RAP1GDS1: variants seen among roughly 807,000 people sequenced by gnomAD.
The protein encoded by RAP1GDS1 is Rap1 GTPase-GDP dissociation stimulator 1, also known as RAP1, GTP-GDP dissociation stimulator 1.
A neutral mutation model predicts 71.1 loss-of-function variants in RAP1GDS1; 35 were observed. The ratio of observed to expected loss-of-function variants is 0.49; its 90% CI spans 0.38 to 0.65. The LOEUF is 0.65. Ranked by LOEUF, RAP1GDS1 falls within the 30% of genes least tolerant of loss-of-function variation. RAP1GDS1 has a pLI of 0.00. For synonymous variants in RAP1GDS1, 229 were observed against 243.1 expected, an observed-to-expected ratio of 0.94 and a Z score of 0.54; for missense variants, 663 against 706.1, an observed-to-expected ratio of 0.94 and a Z score of 0.69.
intron 4 of RAP1GDS1, among the ~76,000 whole-genome samples, chr4:98,370,175 A>T (rs927471617): frequency 5.9e-5 from 9 of 152,318 alleles, no homozygotes; most frequent in African/African-American, 2.2e-4. Flanking sequence ...TATGAAACAT[A>T]GTGAGCATTC....
chr4:98,296,344 T>A (rs1386206433), intron 2 of RAP1GDS1, among the ~76,000 whole-genome samples: 1 of 152,164 alleles, frequency 6.6e-6, no homozygotes. Flanking sequence ...ATGACTGTAA[T>A]CTGAAATTAG....
Position 98,301,133 on chromosome 4 carries a change from A to G in RAP1GDS1, c.112+7618A>G, listed in dbSNP as rs182085632. On this transcript the variant is annotated intron_variant, in intron 2 of 14. Coordinates refer to ENST00000408927, the MANE Select transcript of RAP1GDS1 (RefSeq NM_001100427.2). ...TTTTACCTTTTTATCTAGTGTTATC[A>G]AATGTTCCACAGAAGTGATGTATTT... Among the ~76,000 whole-genome samples the G allele has an allele frequency of 6.6e-5, 10 of 152,256 alleles. No homozygotes were observed. In the East Asian group the frequency reaches 1.2e-3, roughly 18 times the overall value.
chr4:98,308,297 CTATATATATA>C lies in RAP1GDS1; in HGVS notation c.112+14808_112+14817del, dbSNP rs779815305. Among the ~76,000 whole-genome samples, 529 of 73,206 alleles carry C rather than the reference CTATATATATA, an allele frequency of 7.2e-3. 10 individuals carry two copies. Among genetic ancestry groups the C allele is most frequent in the African/African-American group, 0.023 (453 of 20,040 alleles). The allele number at this position is 73,206 out of a possible 152,430, so 48.0% of individuals were successfully genotyped here. On this transcript the variant is annotated intron_variant, in intron 2 of 14. Transcript: ENST00000408927. ...ACACACATATATATACACACACACA[CTATATATATA>C]TATATATATATATATATATATATAT...
At chr4:98,361,758 A>G (rs922609712) in intron 4 of RAP1GDS1, among the ~76,000 whole-genome samples, 1 of 152,184 alleles carries the variant, frequency 6.6e-6, no homozygotes, top group Non-Finnish European at 1.5e-5. Flanking sequence ...CTGATCTGGC[A>G]TTACAAGTGT....
At chr4:98,302,527 A>G (rs1728710545) in intron 2 of RAP1GDS1, among the ~76,000 whole-genome samples, 1 of 152,246 alleles carries the variant, frequency 6.6e-6, no homozygotes, top group Non-Finnish European at 1.5e-5. Flanking sequence ...ATTCAGAAGA[A>G]GGAAAACAAA....
At chr4:98,303,850 C>A (rs1728930870) in intron 2 of RAP1GDS1, among the ~76,000 whole-genome samples, 1 of 151,938 alleles carries the variant, frequency 6.6e-6, no homozygotes, top group African/African-American at 2.4e-5. Flanking sequence ...TGATGCTCTC[C>A]CTCCCCATAA....
chr4:98,290,576 A>T (rs1726775627), intron 1 of RAP1GDS1, among the ~76,000 whole-genome samples: 1 of 152,124 alleles, frequency 6.6e-6, no homozygotes, highest in Non-Finnish European at 1.5e-5. Flanking sequence ...TCTGGTTTAT[A>T]GAAGAGAGGT....
chr4:98,316,153 A>G (rs559928282), intron 2 of RAP1GDS1, among the ~76,000 whole-genome samples: 1 of 152,138 alleles, frequency 6.6e-6, no homozygotes, highest in African/African-American at 2.4e-5. Context: ...AGATAAATAG[A>G]TAGGGTTTAG....
chr4:98,423,765 A>G (rs1282601935), intron 12 of RAP1GDS1, among the ~76,000 whole-genome samples: 1 of 152,094 alleles, frequency 6.6e-6, no homozygotes, highest in African/African-American at 2.4e-5. Context: ...GCTGGTCTCA[A>G]ACTGCCGACC....
intron 7 of RAP1GDS1, among the ~76,000 whole-genome samples, chr4:98,412,753 G>T (rs543422288): frequency 6.6e-6 from 1 of 152,204 alleles, no homozygotes; most frequent in Admixed American, 6.5e-5. Flanking sequence ...GAATTCTACA[G>T]CTGGGCCTCC....
At chr4:98,412,782 C>T (rs1294066794) in intron 7 of RAP1GDS1, among the ~76,000 whole-genome samples, 3 of 152,006 alleles carry the variant, frequency 2.0e-5, no homozygotes, top group Non-Finnish European at 4.4e-5. Context: ...CATCACATAT[C>T]GGTAGGTCCG....
Position 98,286,755 on chromosome 4 carries a change from A to T in RAP1GDS1, c.5-6653A>T, listed in dbSNP as rs13130131. Among the ~76,000 whole-genome samples the T allele has an allele frequency of 1.1e-3, 173 of 151,654 alleles. 1 individual carries two copies. In the South Asian group the frequency reaches 0.018, roughly 16 times the overall value. On this transcript the variant is annotated intron_variant, in intron 1 of 14. Coordinates refer to ENST00000408927, the MANE Select transcript of RAP1GDS1 (RefSeq NM_001100427.2). ...CAAAAAATTAGCTGGGCGTGGTGGCAGGTGCCTGTAATCCCAGCTGTTTGG... is the reference window on the plus strand; with the variant it reads ...CAAAAAATTAGCTGGGCGTGGTGGCTGGTGCCTGTAATCCCAGCTGTTTGG...
intron 4 of RAP1GDS1, among the ~76,000 whole-genome samples, chr4:98,369,158 A>G (rs1739977258): frequency 6.6e-6 from 1 of 152,172 alleles, no homozygotes. Context: ...TAGGAAAAAC[A>G]ATCCGCCATG....
At chr4:98,307,842 T>G (rs1729555177) in intron 2 of RAP1GDS1, among the ~76,000 whole-genome samples, 1 of 152,210 alleles carries the variant, frequency 6.6e-6, no homozygotes, top group Non-Finnish European at 1.5e-5. Flanking sequence ...TAAAGCCGAC[T>G]TACTGTATTG....
intron 6 of RAP1GDS1, among the ~76,000 whole-genome samples, chr4:98,397,670 G>T (rs940697108): frequency 1.1e-4 from 17 of 152,054 alleles, no homozygotes; most frequent in Non-Finnish European, 2.4e-4. Context: ...GTCTTCAAAA[G>T]GCTTGGGATT....
intron 7 of RAP1GDS1, chr4:98,409,809 TA>T (rs969571987): frequency 9.9e-6 from 3 of 303,952 alleles, no homozygotes; most frequent in South Asian, 3.4e-5. Flanking sequence ...AAAAAGTATA[TA>T]AAAAATTAAT....
intron 4 of RAP1GDS1, among the ~76,000 whole-genome samples, chr4:98,365,562 G>A (rs1578601814): frequency 6.6e-6 from 1 of 152,130 alleles, no homozygotes; most frequent in Non-Finnish European, 1.5e-5. Flanking sequence ...GATCGAGGCT[G>A]CAGTGAGTGG....
chr4:98,340,914 A>G (rs1735418714), intron 2 of RAP1GDS1, among the ~76,000 whole-genome samples: 1 of 152,080 alleles, frequency 6.6e-6, no homozygotes, highest in African/African-American at 2.4e-5. Flanking sequence ...AAAACTACCT[A>G]TCGGGTACTA....
chr4:98,266,213 CATTTCTCTGACATT>C (rs1406660405), intron 1 of RAP1GDS1, among the ~76,000 whole-genome samples: 2 of 152,082 alleles, frequency 1.3e-5, no homozygotes, highest in Non-Finnish European at 2.9e-5. Context: ...TAGTGCCTCA[CATTTCTCTGACATT>C]TCATTTTTAA....
Sources: allele counts gnomAD v4.1 joint callset (sites outside exome capture counted in the v4.1 genomes callset), GRCh38; gene constraint gnomAD v4.1.1; transcripts MANE v1.5; gene names NCBI Gene and HGNC (gene_info 2026-07-23, HGNC 2026-07-21).